Variants in HRH1 observed in about 807,000 individuals in gnomAD.
HRH1 encodes the protein histamine H1 receptor.
HRH1 carries 6 observed loss-of-function variants against 10.3 expected under a neutral mutation model. The observed-to-expected ratio is 0.58, with a 90% confidence interval of 0.32 to 1.15. The LOEUF (loss-of-function observed/expected upper bound fraction) is 1.15, where lower values mean the gene tolerates loss of function less well. Among genes scored for constraint, HRH1 ranks in the 50% most tolerant of loss-of-function variants. HRH1 has a pLI of 0.05. For synonymous variants in HRH1, 242 were observed against 236.7 expected (o/e 1.02, Z -0.21); for missense variants, 514 against 615.3 (o/e 0.84, Z 1.74).
rs73016454 is a variant in HRH1 at position 11,167,627 on chromosome 3, G to A, written c.-36+13073G>A. Among the ~76,000 whole-genome samples the A allele has an allele frequency of 6.4e-3, 976 of 152,346 alleles. 6 individuals carry two copies. Among genetic ancestry groups the A allele is most frequent in the South Asian group, 0.026 (128 of 4,832 alleles). On this transcript the variant is annotated intron_variant, in intron 1 of 1. Transcript: ENST00000431010. ...TGGTTTTTGATTTCTGCCCCTGAGC[G>A]CAATCAATTGGTACCTCCCTGTATG...
chr3:11,234,675 G>A, intron 1 of HRH1: 1 of 1,198,824 alleles, frequency 8.3e-7, no homozygotes, highest in Non-Finnish European at 1.2e-6. Context: ...GCCGGCAGTA[G>A]GACATGGCTG....
At position 11,262,752 on chromosome 3, in the gene HRH1, G is replaced by A. The variant is rs1033563157; in HGVS notation, c.*2251G>A. On this transcript the variant is annotated 3_prime_UTR_variant, in exon 2 of 2. Coordinates refer to ENST00000431010, the MANE Select transcript of HRH1 (RefSeq NM_001098212.2). ...CTCTGCCTCTGGGTCAGAGAGACCT[G>A]GATTTGAGTCTGACAAGAACAAGAA... 19 of 167,044 alleles carry A rather than the reference G, an allele frequency of 1.1e-4. No homozygotes were observed. The highest frequency in any genetic ancestry group is 4.6e-4 in the African/African-American group (19 of 41,432). 10.3% of individuals were successfully genotyped at this position (167,044 alleles called of 1,614,324 possible). A position where few individuals can be genotyped will look rare whatever the true frequency, so the allele number is the denominator to read the frequency against.
At chr3:11,160,373 T>G (rs1936899574) in intron 1 of HRH1, among the ~76,000 whole-genome samples, 1 of 152,208 alleles carries the variant, frequency 6.6e-6, no homozygotes, top group African/African-American at 2.4e-5. Flanking sequence ...CTCTCTTAAC[T>G]CCCTTAACAA....
intron 1 of HRH1, among the ~76,000 whole-genome samples, chr3:11,159,769 G>A (rs555085834): frequency 4.6e-5 from 7 of 152,248 alleles, no homozygotes; most frequent in African/African-American, 1.2e-4. Flanking sequence ...CAAGATGGGC[G>A]TTGTTCTTCC....
rs568961621 is a variant in HRH1 at position 11,250,628 on chromosome 3, T to C, written c.-35-8375T>C. Among the ~76,000 whole-genome samples, 9 of 152,300 alleles carry C rather than the reference T, an allele frequency of 5.9e-5. No homozygotes were observed. The South Asian group carries it at 1.4e-3, about 25-fold the overall frequency. Reference sequence around the variant, plus strand: ...TCCTGAGGGAGGAAAGGGTAGAAGATAGACCTAACACATAGTTTCTAAGAA... The same window carrying C: ...TCCTGAGGGAGGAAAGGGTAGAAGACAGACCTAACACATAGTTTCTAAGAA... On this transcript the variant is annotated intron_variant, in intron 1 of 1. Transcript: ENST00000431010.
chr3:11,259,712 G>T lies in HRH1; in HGVS notation c.675G>T (p.Glu225Asp). ...KAVRQHCQHR[E>D]LINRSLPSFS... Reference sequence around the variant, plus strand: ...TACGACAACACTGCCAGCACCGGGAGCTCATCAATAGGTCCCTCCCTTCCT... The same window carrying T: ...TACGACAACACTGCCAGCACCGGGATCTCATCAATAGGTCCCTCCCTTCCT... Residue 225 changes from glutamate (E) to aspartate (D), a missense_variant, in exon 2 of 2, where the codon GAG (glutamate) becomes GAT (aspartate). Physicochemically the swap from Glu to Asp is conservative, Grantham distance 45. Transcript: ENST00000431010. This position sits in a 1 kb window ranked among gnomAD's most constrained non-coding sequence, Gnocchi z 4.6. 6.2e-7 allele frequency: 1 copy of T among 1,614,044 alleles called. No individual in the cohort carries two copies. The highest frequency in any genetic ancestry group is 8.5e-7 in the Non-Finnish European group (1 of 1,179,982).
Position 11,207,366 on chromosome 3 carries a change from G to C in HRH1, c.-35-51637G>C, listed in dbSNP as rs571992098. On this transcript the variant is annotated intron_variant, in intron 1 of 1. Transcript: ENST00000431010. The stretch of plus-strand genomic sequence containing the variant: ...GATCACGAGGTCAGGAGATCCAGAC[G>C]ATCCTGGCTAACACGGTGAAACCCC... Among the ~76,000 whole-genome samples the C allele has an allele frequency of 8.6e-5, 13 of 151,932 alleles. No individual in the cohort carries two copies. The South Asian group carries it at 2.7e-3, about 32-fold the overall frequency.
intron 1 of HRH1, among the ~76,000 whole-genome samples, chr3:11,197,299 C>T (rs985259905): frequency 2.0e-5 from 3 of 152,196 alleles, no homozygotes; most frequent in Non-Finnish European, 2.9e-5. Flanking sequence ...TTTATAATTG[C>T]TTCTTTGTGT....
intron 1 of HRH1, among the ~76,000 whole-genome samples, chr3:11,142,384 T>C (rs1419718485): frequency 5.3e-5 from 8 of 152,224 alleles, no homozygotes; most frequent in South Asian, 2.1e-4. Flanking sequence ...TTACCATTCA[T>C]TGAGGACCTA....
At chr3:11,182,706 G>A (rs1163196160) in intron 1 of HRH1, among the ~76,000 whole-genome samples, 2 of 152,126 alleles carry the variant, frequency 1.3e-5, no homozygotes, top group East Asian at 1.9e-4. Flanking sequence ...CTCCAGTGTG[G>A]TAAGCACTGC....
At chr3:11,179,759 G>T (rs1169486509) in intron 1 of HRH1, among the ~76,000 whole-genome samples, 5 of 149,710 alleles carry the variant, frequency 3.3e-5, no homozygotes. Flanking sequence ...TATTGTGCGT[G>T]TGTGTGTGGC....
chr3:11,234,066 A>G (rs548840759), intron 1 of HRH1, among the ~76,000 whole-genome samples: 1 of 152,300 alleles, frequency 6.6e-6, no homozygotes, highest in East Asian at 1.9e-4. Flanking sequence ...ACACATACAT[A>G]CAACTCCCAT....
intron 1 of HRH1, among the ~76,000 whole-genome samples, chr3:11,156,863 C>G (rs774886869): frequency 2.6e-5 from 4 of 152,194 alleles, no homozygotes; most frequent in Admixed American, 1.3e-4. Flanking sequence ...TTCTTGTTTT[C>G]TCATCTGTAA....
intron 1 of HRH1, among the ~76,000 whole-genome samples, chr3:11,208,740 T>G (rs1167038410): frequency 6.6e-6 from 1 of 152,240 alleles, no homozygotes; most frequent in Non-Finnish European, 1.5e-5. Flanking sequence ...TTAATCGCTG[T>G]ATACCATCCC....
intron 1 of HRH1, among the ~76,000 whole-genome samples, chr3:11,217,746 G>C (rs966200080): frequency 6.6e-6 from 1 of 152,162 alleles, no homozygotes; most frequent in Non-Finnish European, 1.5e-5. Context: ...TACACAATTA[G>C]AATTTTTAAG....
At chr3:11,139,565 C>G (rs570143073) in intron 1 of HRH1, among the ~76,000 whole-genome samples, 101 of 152,294 alleles carry the variant, frequency 6.6e-4, no homozygotes, top group Non-Finnish European at 1.1e-3. Flanking sequence ...CAGGCGTGAG[C>G]CACCGTGACC....
chr3:11,190,756 TG>T (rs1937519748), intron 1 of HRH1, among the ~76,000 whole-genome samples: 1 of 151,838 alleles, frequency 6.6e-6, no homozygotes, highest in Non-Finnish European at 1.5e-5. Flanking sequence ...GAGGCTGAGG[TG>T]GGAGGATCGC....
Position 11,250,208 on chromosome 3 carries a change from ATTTTTTTTTTTTT to A in HRH1, c.-35-8783_-35-8771del, listed in dbSNP as rs71055857. 5.6e-5 allele frequency among the ~76,000 whole-genome samples: 6 copies of A among 106,890 alleles called. No homozygotes were observed. The South Asian group carries it at 1.9e-3, about 34-fold the overall frequency. The allele number at this position is 106,890 out of a possible 152,430, so 70.1% of individuals were successfully genotyped here. A position where few individuals can be genotyped will look rare whatever the true frequency, so the allele number is the denominator to read the frequency against. On this transcript the variant is annotated intron_variant, in intron 1 of 1. Coordinates refer to ENST00000431010, the MANE Select transcript of HRH1 (RefSeq NM_001098212.2). ...TAGGCGCCGCCACCACACCCGGCTA[ATTTTTTTTTTTTT>A]TTTTTTTTTTTGTATTTTTAGTGGA...
upstream of HRH1, among the ~76,000 whole-genome samples, chr3:11,151,628 G>C (rs1936627691): frequency 6.6e-6 from 1 of 152,076 alleles, no homozygotes; most frequent in African/African-American, 2.4e-5. Context: ...CTCCTGAGTA[G>C]CTGGGACTAC....
Sources: gnomAD v4.1 joint callset for allele counts (sites outside exome capture counted in the v4.1 genomes callset) on GRCh38, gnomAD v4.1.1 for gene constraint, Gnocchi (gnomAD v3.1) non-coding constraint, MANE v1.5 for transcripts, NCBI Gene and HGNC (gene_info 2026-07-23, HGNC 2026-07-21) for gene names.